The following PER2 variants were observed in gnomAD, a reference collection of about 807,000 sequenced individuals.
PER2 encodes the protein period circadian regulator 2, also known as period circadian protein homolog 2.
In PER2, 66 loss-of-function variants were observed where a neutral mutation model predicts 121.0. The ratio of observed to expected loss-of-function variants is 0.55; its 90% confidence interval spans 0.45 to 0.67. The LOEUF (loss-of-function observed/expected upper bound fraction) is 0.67. Among genes scored for constraint, PER2 ranks in the 30% least tolerant of loss-of-function variants. PER2 has a pLI of 0.00. For synonymous variants in PER2, 684 were observed against 659.9 expected, an observed-to-expected ratio of 1.04 and a Z score of -0.56; for missense variants, 1,521 against 1,635.0, an observed-to-expected ratio of 0.93 and a Z score of 1.20.
In PER2 at chr2:238,275,794, T is replaced by C; in HGVS notation, c.397A>G (p.Ser133Gly). 1 of 1,614,240 alleles carries C rather than the reference T, an allele frequency of 6.2e-7. No individual in the cohort carries two copies. Among genetic ancestry groups the C allele is most frequent in the African/African-American group, 1.3e-5 (1 of 75,076 alleles). ...GCGTACTTCAAGGTGGCCAGCGTAC[T>C]GGCCTTGCCCTTGGCCTTCTTGTCT... ...PADKKAKGKASTLATLKYALR... is the reference protein window; with the variant it reads ...PADKKAKGKAGTLATLKYALR... Residue 133 changes from serine (S) to glycine (G), a missense_variant, in exon 4 of 23, where the codon AGT (serine) becomes GGT (glycine). Coordinates refer to ENST00000254657, the MANE Select transcript of PER2 (RefSeq NM_022817.3).
At chr2:238,274,704 C>T (rs1311474928) in intron 4 of PER2, among the ~76,000 whole-genome samples, 3 of 152,206 alleles carry the variant, frequency 2.0e-5, no homozygotes. Flanking sequence ...AGAGCGGTGC[C>T]CTCCATGGTG....
At chr2:238,284,514 G>A (rs1021873853) in intron 1 of PER2, among the ~76,000 whole-genome samples, 6 of 151,984 alleles carry the variant, frequency 3.9e-5, no homozygotes, top group Non-Finnish European at 7.4e-5. Context: ...TTGGAAGAGA[G>A]AGAATGAATT....
chr2:238,254,741 G>A, intron 18 of PER2: 1 of 152,438 alleles, frequency 6.6e-6, no homozygotes, highest in Non-Finnish European at 1.5e-5. Context: ...TCTGCTCATG[G>A]CCATGGAGTA....
chr2:238,245,551 G>T lies in PER2; in HGVS notation c.*824C>A. The T allele has an allele frequency of 2.5e-6, 1 of 398,624 alleles. No individual in the cohort carries two copies. Among genetic ancestry groups the T allele is most frequent in the Non-Finnish European group, 4.4e-6 (1 of 226,062 alleles). The allele number at this position is 398,624 out of a possible 1,614,324, so 24.7% of individuals were successfully genotyped here. A position where few individuals can be genotyped will look rare whatever the true frequency, so the allele number is the denominator to read the frequency against. On this transcript the variant is annotated 3_prime_UTR_variant, in exon 23 of 23. Transcript: ENST00000254657. ...TCTCACATGTGTTGGTCACAGCCTG[G>T]TTTGCAAAGGGAAGTCACCATAAAG...
intron 9 of PER2, among the ~76,000 whole-genome samples, chr2:238,264,385 G>A (rs545338454): frequency 6.6e-6 from 1 of 152,336 alleles, no homozygotes; most frequent in South Asian, 2.1e-4. Flanking sequence ...ACCTGGAGCT[G>A]GAAGTGACGG....
intron 1 of PER2, among the ~76,000 whole-genome samples, chr2:238,280,893 C>T (rs1253515468): frequency 3.3e-5 from 5 of 152,026 alleles, no homozygotes; most frequent in Non-Finnish European, 7.4e-5. Context: ...TAAAGAAAGT[C>T]CTACCAACAT....
At position 238,273,071 on chromosome 2, in the gene PER2, G is replaced by A. The variant is rs1696339307; in HGVS notation, c.569C>T (p.Ala190Val). 2 of 1,613,898 alleles carry A rather than the reference G, an allele frequency of 1.2e-6. No individual in the cohort carries two copies. The highest frequency in any genetic ancestry group is 3.3e-5 in the Admixed American group (2 of 60,008). The change falls in exon 5 of 23, where the codon GCC (alanine) becomes GTC (valine). Residue 190 changes from alanine (A) to valine (V), a missense_variant and splice_region_variant. Physicochemically the swap from Ala to Val is moderately conservative, Grantham distance 64 (BLOSUM62 0). Coordinates refer to ENST00000254657, the MANE Select transcript of PER2 (RefSeq NM_022817.3). ...SVTSEHIVKN[A>V]DMFAVAVSLV... is the part of the protein sequence containing the mutation. ...GAAACTTTGCGGAAAGAGGCTTACGGCATTCTTCACAATGTGCTCAGAGGT... is the reference window on the plus strand; with the variant it reads ...GAAACTTTGCGGAAAGAGGCTTACGACATTCTTCACAATGTGCTCAGAGGT...
At chr2:238,267,545 G>A (rs989707228) in intron 8 of PER2, among the ~76,000 whole-genome samples, 7 of 152,202 alleles carry the variant, frequency 4.6e-5, no homozygotes, top group African/African-American at 1.7e-4. Flanking sequence ...CTGTCTGAGA[G>A]GAAGGGAAAT....
rs143029196 is a variant in PER2 at position 238,271,349 on chromosome 2, C to T, written c.735G>A (p.Pro245=). 51 of 1,614,012 alleles carry T rather than the reference C, an allele frequency of 3.2e-5. 2 individuals are homozygous for T. Among genetic ancestry groups the T allele is most frequent in the Middle Eastern group, 3.3e-4 (2 of 6,066 alleles). Residue 245 remains proline (P), a synonymous_variant, in exon 6 of 23, where the codon CCG becomes CCA. Coordinates refer to ENST00000254657, the MANE Select transcript of PER2 (RefSeq NM_022817.3). ...ACATGCTCCACAAGGGAAGCTTGTACGGGGAGGTGAAACTGTGGAACACGC... is the reference window on the plus strand; with the variant it reads ...ACATGCTCCACAAGGGAAGCTTGTATGGGGAGGTGAAACTGTGGAACACGC... ...DVGVFHSFTS[P]YKLPLWSMCS... is the part of the protein sequence containing the mutation.
rs1695786158 is a variant in PER2, at chr2:238,257,074, G to A, written c.1913C>T (p.Pro638Leu). The change falls in exon 17 of 23, where the codon CCC (proline) becomes CTC (leucine). Residue 638 changes from proline to leucine, a missense_variant. Transcript: ENST00000254657. ...TCCCGTGCGGCTGTTCACCCTGGAGGGCGGCTCTGCCTCTTCATGAGAGGA... is the reference window on the plus strand; with the variant it reads ...TCCCGTGCGGCTGTTCACCCTGGAGAGCGGCTCTGCCTCTTCATGAGAGGA... ...PGPHAGEAEPPSRVNSRTGVG... is the reference protein window; with the variant it reads ...PGPHAGEAEPLSRVNSRTGVG... 2.5e-6 allele frequency: 4 copies of A among 1,612,240 alleles called. No individual in the cohort carries two copies. Among genetic ancestry groups the A allele is most frequent in the Non-Finnish European group, 2.5e-6 (3 of 1,179,918 alleles).
chr2:238,291,915 T>G (rs576116366), upstream of PER2, among the ~76,000 whole-genome samples: 326 of 152,284 alleles, frequency 2.1e-3, 2 homozygotes, highest in Non-Finnish European at 3.5e-3. Context: ...ATCTTCCAGC[T>G]CTTTGGGAGG....
chr2:238,284,868 C>T (rs1696737160), intron 1 of PER2, among the ~76,000 whole-genome samples: 1 of 152,196 alleles, frequency 6.6e-6, no homozygotes, highest in Admixed American at 6.5e-5. Context: ...CTCTAATAGA[C>T]CAGCCTCATT....
At position 238,253,134 on chromosome 2, in the gene PER2, T is replaced by C; in HGVS notation, c.2889A>G (p.Pro963=). The C allele has an allele frequency of 6.2e-7, 1 of 1,602,594 alleles. No homozygotes were observed. Among genetic ancestry groups the C allele is most frequent in the Non-Finnish European group, 8.5e-7 (1 of 1,171,736 alleles). ...CCGATGGTGGGGTGGCCCGGGTGGC[T>C]GGACAAGCACATGGCTGTCTGGGGA... The part of the protein sequence containing the change: ...TSIPRQPCAC[P]ATRATPPSAM... The change falls in exon 19 of 23, where the codon CCA becomes CCG. Residue 963 remains proline (P), a synonymous_variant. Coordinates refer to ENST00000254657, the MANE Select transcript of PER2 (RefSeq NM_022817.3). This position sits in a 1 kb window ranked among gnomAD's most constrained non-coding sequence, Gnocchi z 5.6.
intron 14 of PER2, among the ~76,000 whole-genome samples, chr2:238,259,292 G>T (rs1327800344): frequency 6.6e-6 from 1 of 152,254 alleles, no homozygotes. Flanking sequence ...ATGAGCAAGG[G>T]CCCACCAGGG....
In PER2 at chr2:238,253,481, C is replaced by T. The variant is rs371340240; in HGVS notation, c.2542G>A (p.Ala848Thr). ...QSSCPAVPFP[A>T]PVPAAYSLPV... ...AGTGAATAAGCTGCTGGCACTGGGGCGGGAAAGGGCACGGCTGGGCAGCTG... is the reference window on the plus strand; with the variant it reads ...AGTGAATAAGCTGCTGGCACTGGGGTGGGAAAGGGCACGGCTGGGCAGCTG... The change falls in exon 19 of 23, where the codon GCC becomes ACC. Residue 848 changes from alanine (A) to threonine (T), a missense_variant. Coordinates refer to ENST00000254657, the MANE Select transcript of PER2 (RefSeq NM_022817.3). This position sits in a 1 kb window ranked among gnomAD's most constrained non-coding sequence, Gnocchi z 5.6. The T allele has an allele frequency of 6.5e-5, 105 of 1,612,486 alleles. No homozygotes were observed. The highest frequency in any genetic ancestry group is 8.3e-5 in the Non-Finnish European group (98 of 1,179,506).
upstream of PER2, among the ~76,000 whole-genome samples, chr2:238,291,068 C>T (rs1225647940): frequency 2.6e-5 from 4 of 152,364 alleles, no homozygotes; most frequent in Middle Eastern, 3.4e-3. Flanking sequence ...ACCTCCAGCA[C>T]GGAGCTCAGA....
At chr2:238,287,381 C>A (rs1277750866) in intron 1 of PER2, among the ~76,000 whole-genome samples, 1 of 152,224 alleles carries the variant, frequency 6.6e-6, no homozygotes, top group Non-Finnish European at 1.5e-5. Flanking sequence ...GTCCTGTTTT[C>A]TTCTCAGGCA....
At position 238,250,498 on chromosome 2, in the gene PER2, A is replaced by T. The variant is rs951256802; in HGVS notation, c.3467+53T>A. ...TGACCTTGACCTTGTTGTTTCTGGGAGCTCCTGAACCCCATCCCTCCCCAG... is the reference window on the plus strand; with the variant it reads ...TGACCTTGACCTTGTTGTTTCTGGGTGCTCCTGAACCCCATCCCTCCCCAG... On this transcript the variant is annotated intron_variant, in intron 21 of 22. Coordinates refer to ENST00000254657, the MANE Select transcript of PER2 (RefSeq NM_022817.3). 3 of 1,281,532 alleles carry T rather than the reference A, an allele frequency of 2.3e-6. No homozygotes were observed. The South Asian group carries it at 3.7e-5, about 16-fold the overall frequency. The allele number at this position is 1,281,532 out of a possible 1,614,324, so 79.4% of individuals were successfully genotyped here.
At position 238,272,897 on chromosome 2, in the gene PER2, G is replaced by A. The variant is rs575849116; in HGVS notation, c.570+173C>T. On this transcript the variant is annotated intron_variant, in intron 5 of 22. Transcript: ENST00000254657. ...CACAGAAGGCAGAAGTCCAGAACATGAATGCCACTTCCAGAATCACTGACT... is the reference window on the plus strand; with the variant it reads ...CACAGAAGGCAGAAGTCCAGAACATAAATGCCACTTCCAGAATCACTGACT... 8.5e-5 allele frequency among the ~76,000 whole-genome samples: 13 copies of A among 152,348 alleles called. No individual in the cohort carries two copies. The South Asian group carries it at 2.3e-3, about 27-fold the overall frequency.
Sources: gnomAD v4.1 joint callset for allele counts (sites outside exome capture counted in the v4.1 genomes callset) on GRCh38, gnomAD v4.1.1 for gene constraint, Gnocchi (gnomAD v3.1) non-coding constraint, MANE v1.5 for transcripts, NCBI Gene and HGNC (gene_info 2026-07-23, HGNC 2026-07-21) for gene names.